The following APP variants were observed in gnomAD, a reference collection of about 807,000 sequenced individuals.
APP encodes amyloid beta precursor protein.
Under a neutral mutation model 101.4 loss-of-function variants are expected in APP, and 31 were observed. That is an observed-to-expected ratio of 0.31 (90% CI 0.23 to 0.41). The LOEUF (loss-of-function observed/expected upper bound fraction) is 0.41, where lower values mean the gene tolerates loss of function less well. APP is among the 10% of genes least tolerant of loss of function. The probability of loss-of-function intolerance (pLI) is 1.00; values close to 1 mark genes in which losing one functional copy is unlikely to be tolerated. For missense variants in APP, 839 were observed against 1,003.7 expected, an observed-to-expected ratio of 0.84 and a Z score of 2.22; for synonymous variants, 366 against 364.4, an observed-to-expected ratio of 1.00 and a Z score of -0.05.
chr21:25,917,311 A>T (rs2039401997), intron 13 of APP, among the ~76,000 whole-genome samples: 1 of 151,964 alleles, frequency 6.6e-6, no homozygotes, highest in South Asian at 2.1e-4. Flanking sequence ...AGGCATACTT[A>T]GAGTAACAGA....
chr21:25,986,118 A>C (rs552209416), intron 8 of APP, among the ~76,000 whole-genome samples: 1 of 152,302 alleles, frequency 6.6e-6, no homozygotes, highest in East Asian at 1.9e-4. Flanking sequence ...TGTCCACAGA[A>C]GGCCAGAGAC....
intron 1 of APP, among the ~76,000 whole-genome samples, chr21:26,142,477 G>A (rs1306150576): frequency 4.6e-5 from 7 of 152,160 alleles, no homozygotes; most frequent in African/African-American, 1.7e-4. Flanking sequence ...AATTAAGACA[G>A]TGTCACTGGG....
At chr21:25,990,349 T>A (rs1469251762) in intron 8 of APP, among the ~76,000 whole-genome samples, 1 of 152,252 alleles carries the variant, frequency 6.6e-6, no homozygotes, top group Admixed American at 6.5e-5. Context: ...ATGCTGGCAT[T>A]ATTTTTTTAT....
upstream of APP, chr21:26,170,867 G>T: frequency 2.4e-6 from 1 of 410,148 alleles, no homozygotes; most frequent in Non-Finnish European, 4.3e-6. Flanking sequence ...CGGCGCCGCC[G>T]GGGAACTGCG....
intron 1 of APP, among the ~76,000 whole-genome samples, chr21:26,139,509 C>T (rs2062994785): frequency 6.6e-6 from 1 of 152,190 alleles, no homozygotes; most frequent in African/African-American, 2.4e-5. Flanking sequence ...GGTTTGAGAA[C>T]TATGTGTTTA....
intron 3 of APP, among the ~76,000 whole-genome samples, chr21:26,059,529 C>A (rs534707216): frequency 1.3e-5 from 2 of 152,294 alleles, no homozygotes; most frequent in East Asian, 3.9e-4. Flanking sequence ...ACCCTCAATA[C>A]TTCACGTGCG....
chr21:25,989,084 T>G (rs149040180), intron 8 of APP, among the ~76,000 whole-genome samples: 2,714 of 152,262 alleles, frequency 0.018, 36 homozygotes, highest in Non-Finnish European at 0.027. Context: ...TGCTCCTCCA[T>G]CACTGGGGCC....
At chr21:25,973,051 A>G (rs953675801) in intron 11 of APP, among the ~76,000 whole-genome samples, 1 of 152,218 alleles carries the variant, frequency 6.6e-6, no homozygotes, top group African/African-American at 2.4e-5. Flanking sequence ...ATAACAAACT[A>G]GTTATAACTT....
intron 17 of APP, among the ~76,000 whole-genome samples, chr21:25,887,424 A>G (rs1406936723): frequency 6.7e-6 from 1 of 150,298 alleles, no homozygotes; most frequent in Non-Finnish European, 1.5e-5. Context: ...AGGCACAGTT[A>G]CCTCCTTGGG....
At chr21:25,913,344 A>C (rs1321495683) in intron 13 of APP, among the ~76,000 whole-genome samples, 1 of 152,178 alleles carries the variant, frequency 6.6e-6, no homozygotes, top group African/African-American at 2.4e-5. Flanking sequence ...ATATATCCCT[A>C]TTCACTGTGG....
intron 3 of APP, among the ~76,000 whole-genome samples, chr21:26,083,810 T>C (rs988894972): frequency 2.6e-5 from 4 of 152,090 alleles, no homozygotes; most frequent in African/African-American, 7.2e-5. Flanking sequence ...ATAACAGCAG[T>C]TTTTCAAAAG....
intron 17 of APP, among the ~76,000 whole-genome samples, chr21:25,882,691 G>C (rs1368500508): frequency 6.6e-6 from 1 of 152,036 alleles, no homozygotes; most frequent in Non-Finnish European, 1.5e-5. Flanking sequence ...CCTTAACTCT[G>C]CTGAATGAGT....
chr21:25,948,080 TAA>T (rs1176890469), intron 13 of APP, among the ~76,000 whole-genome samples: 1 of 151,194 alleles, frequency 6.6e-6, no homozygotes, highest in Non-Finnish European at 1.5e-5. Context: ...TATATACATT[TAA>T]AAGTCATTTC....
chr21:25,956,993 C>T (rs2041350460), intron 11 of APP, among the ~76,000 whole-genome samples: 1 of 152,120 alleles, frequency 6.6e-6, no homozygotes, highest in Non-Finnish European at 1.5e-5. Context: ...TTTGGAACCC[C>T]AATAACACAG....
intron 3 of APP, among the ~76,000 whole-genome samples, chr21:26,064,634 A>C (rs1252826229): frequency 2.6e-5 from 4 of 152,106 alleles, no homozygotes; most frequent in Non-Finnish European, 5.9e-5. Flanking sequence ...AGCCGCTTGC[A>C]AAAGGCATGT....
intron 13 of APP, among the ~76,000 whole-genome samples, chr21:25,929,847 C>G (rs181669458): frequency 6.6e-6 from 1 of 152,144 alleles, no homozygotes; most frequent in Non-Finnish European, 1.5e-5. Context: ...TCTCCTGGAG[C>G]CTTCAGTGCT....
chr21:25,939,205 T>C (rs1468094429), intron 13 of APP, among the ~76,000 whole-genome samples: 2 of 152,184 alleles, frequency 1.3e-5, no homozygotes, highest in Non-Finnish European at 2.9e-5. Context: ...GAGGAGCTGT[T>C]GGCAGCAGGA....
At chr21:25,929,730 G>C (rs1301657934) in intron 13 of APP, among the ~76,000 whole-genome samples, 2 of 152,116 alleles carry the variant, frequency 1.3e-5, no homozygotes, top group Non-Finnish European at 2.9e-5. Flanking sequence ...GGACCAGAAA[G>C]TACAGTGAGA....
intron 1 of APP, among the ~76,000 whole-genome samples, chr21:26,117,254 T>C (rs753027699): frequency 2.0e-5 from 3 of 152,268 alleles, no homozygotes; most frequent in Non-Finnish European, 2.9e-5. Flanking sequence ...AACCTGGGCA[T>C]AATTCAACTA....
Sources: allele counts gnomAD v4.1 joint callset (sites outside exome capture counted in the v4.1 genomes callset), GRCh38; gene constraint gnomAD v4.1.1; transcripts MANE v1.5; gene names NCBI Gene and HGNC (gene_info 2026-07-23, HGNC 2026-07-21).